The following FBXL13 variants were observed in gnomAD, a reference collection of about 807,000 sequenced individuals.
FBXL13 encodes the protein F-box and leucine-rich repeat protein 13.
FBXL13 carries 67 observed loss-of-function variants against 83.6 expected under a neutral mutation model. The observed-to-expected ratio is 0.80, with a 90% CI of 0.66 to 0.98. The LOEUF (loss-of-function observed/expected upper bound fraction) is 0.98. FBXL13 is among the 50% of genes least tolerant of loss of function. The probability of loss-of-function intolerance (pLI) is 0.00; values close to 1 mark genes in which losing one functional copy is unlikely to be tolerated. For missense variants in FBXL13, 822 were observed against 866.5 expected, an observed-to-expected ratio of 0.95 and a Z score of 0.64; for synonymous variants, 272 against 299.5, an observed-to-expected ratio of 0.91 and a Z score of 0.95.
At chr7:102,973,676 C>T in intron 6 of FBXL13, 1 of 766,438 alleles carries the variant, frequency 1.3e-6, no homozygotes, top group Non-Finnish European at 2.4e-6. Flanking sequence ...TACCCCTCCG[C>T]CCCAGAAAGC....
intron 11 of FBXL13, among the ~76,000 whole-genome samples, chr7:102,887,082 T>TA (rs1178244578): frequency 3.9e-5 from 6 of 152,174 alleles, no homozygotes; most frequent in African/African-American, 1.4e-4. Flanking sequence ...TGCAATACAG[T>TA]TACAAGTTAA....
chr7:103,026,858 C>T (rs1256831111), intron 5 of FBXL13, among the ~76,000 whole-genome samples: 1 of 152,076 alleles, frequency 6.6e-6, no homozygotes, highest in Non-Finnish European at 1.5e-5. Context: ...AATAAAATAT[C>T]TCCTACTAAA....
intron 19 of FBXL13, among the ~76,000 whole-genome samples, chr7:102,817,532 A>G (rs1482278755): frequency 6.6e-6 from 1 of 152,070 alleles, no homozygotes; most frequent in African/African-American, 2.4e-5. Context: ...ATTTGATAAT[A>G]TTTTTCTCCC....
intron 2 of FBXL13, among the ~76,000 whole-genome samples, chr7:103,054,426 C>T (rs1199394698): frequency 1.3e-5 from 2 of 151,050 alleles, no homozygotes; most frequent in African/African-American, 4.9e-5. Flanking sequence ...AGTTATCACA[C>T]ATGGTTCCAC....
chr7:102,871,156 C>G (rs765025257), intron 16 of FBXL13, among the ~76,000 whole-genome samples: 14 of 151,952 alleles, frequency 9.2e-5, no homozygotes, highest in Non-Finnish European at 1.9e-4. Flanking sequence ...GCCCCTATGC[C>G]CTCCTTGAGG....
chr7:102,909,691 T>C (rs1814334659), intron 11 of FBXL13, among the ~76,000 whole-genome samples: 1 of 152,124 alleles, frequency 6.6e-6, no homozygotes, highest in Admixed American at 6.5e-5. Context: ...ACTTGGGAGC[T>C]AGAACCTGGA....
chr7:102,874,873 C>T (rs996396662), intron 16 of FBXL13, among the ~76,000 whole-genome samples: 1 of 152,250 alleles, frequency 6.6e-6, no homozygotes, highest in African/African-American at 2.4e-5. Context: ...GGCCTATATT[C>T]CTAAGTTTTT....
At chr7:102,947,436 T>C (rs1202646980) in intron 8 of FBXL13, among the ~76,000 whole-genome samples, 1 of 152,212 alleles carries the variant, frequency 6.6e-6, no homozygotes, top group Non-Finnish European at 1.5e-5. Flanking sequence ...CAGAAATTAA[T>C]CCAGGCCATC....
intron 2 of FBXL13, among the ~76,000 whole-genome samples, chr7:103,053,272 C>A (rs1474147733): frequency 1.3e-5 from 2 of 151,978 alleles, no homozygotes; most frequent in Non-Finnish European, 2.9e-5. Flanking sequence ...CCTGCCTCAG[C>A]CTCCTGAGTA....
At chr7:103,070,906 G>A (rs888612585) in intron 1 of FBXL13, among the ~76,000 whole-genome samples, 2 of 152,132 alleles carry the variant, frequency 1.3e-5, no homozygotes, top group African/African-American at 4.8e-5. Context: ...CTCCAACACT[G>A]GGGATCAAAT....
intron 1 of FBXL13, among the ~76,000 whole-genome samples, chr7:103,066,616 A>G (rs1359741667): frequency 6.6e-6 from 1 of 151,694 alleles, no homozygotes; most frequent in Non-Finnish European, 1.5e-5. Context: ...GATGGTGTCA[A>G]GCTCCTGACC....
At chr7:102,913,951 C>T (rs1198178469) in intron 10 of FBXL13, among the ~76,000 whole-genome samples, 3 of 152,142 alleles carry the variant, frequency 2.0e-5, no homozygotes, top group Non-Finnish European at 2.9e-5. Flanking sequence ...ACCACAATGA[C>T]CAAAATGACA....
At chr7:102,927,022 A>C (rs1818273251) in intron 9 of FBXL13, among the ~76,000 whole-genome samples, 1 of 152,194 alleles carries the variant, frequency 6.6e-6, no homozygotes, top group Admixed American at 6.5e-5. Flanking sequence ...AGATTCAAGC[A>C]TCCTTCCCCC....
At chr7:103,006,805 C>G (rs1791037618) in intron 6 of FBXL13, among the ~76,000 whole-genome samples, 2 of 151,712 alleles carry the variant, frequency 1.3e-5, no homozygotes, top group Admixed American at 1.3e-4. Flanking sequence ...GATAACAGAA[C>G]TAGTAAACAG....
chr7:103,038,437 C>G (rs914655138), intron 2 of FBXL13, among the ~76,000 whole-genome samples: 1 of 152,266 alleles, frequency 6.6e-6, no homozygotes, highest in Admixed American at 6.5e-5. Context: ...ACGTCCCTGT[C>G]TGACAGCTCT....
chr7:102,911,701 T>C (rs537204697), intron 11 of FBXL13, among the ~76,000 whole-genome samples: 1 of 152,320 alleles, frequency 6.6e-6, no homozygotes, highest in Admixed American at 6.5e-5. Flanking sequence ...CCAAGTTTTC[T>C]AAAACAAATG....
intron 6 of FBXL13, among the ~76,000 whole-genome samples, chr7:103,024,680 A>C (rs1388102299): frequency 6.6e-6 from 1 of 150,626 alleles, no homozygotes; most frequent in Admixed American, 6.6e-5. Flanking sequence ...CCAGTAAGAA[A>C]ATTATAGGAA....
At chr7:102,962,332 A>G (rs577422022) in intron 8 of FBXL13, among the ~76,000 whole-genome samples, 1 of 152,276 alleles carries the variant, frequency 6.6e-6, no homozygotes, top group Non-Finnish European at 1.5e-5. Flanking sequence ...AAAGTCAGGA[A>G]ACAGGTGCTG....
chr7:102,877,445 G>A (rs1396608658), intron 16 of FBXL13, 22 bp downstream of exon 17: 1 of 1,547,926 alleles, frequency 6.5e-7, no homozygotes, highest in Non-Finnish European at 8.7e-7. Flanking sequence ...AAAAGTCATT[G>A]TACTGTTTTG....
Sources: allele counts gnomAD v4.1 joint callset (sites outside exome capture counted in the v4.1 genomes callset), GRCh38; gene constraint gnomAD v4.1.1; transcripts MANE v1.5; gene names NCBI Gene and HGNC (gene_info 2026-07-23, HGNC 2026-07-21).